SCGB2B2: variants seen among roughly 807,000 people sequenced by gnomAD.
SCGB2B2 encodes secretoglobin family 2B member 2, also known as secretoglobin-like protein.
SCGB2B2 carries 11 observed loss-of-function variants against 7.6 expected under a neutral mutation model. The ratio of observed to expected loss-of-function variants is 1.45; its 90% CI spans 0.91 to 2.40. The LOEUF is 2.40. Ranked by LOEUF, SCGB2B2 falls within the 30% of genes most tolerant of loss-of-function variation. The probability of loss-of-function intolerance (pLI) is 0.00; values close to 1 mark genes in which losing one functional copy is unlikely to be tolerated. For synonymous variants in SCGB2B2, 50 were observed against 48.6 expected (o/e 1.03, Z -0.12); for missense variants, 104 against 115.4 (o/e 0.90, Z 0.45).
At chr19:34,587,230 G>A (rs11880329), downstream of SCGB2B2, among the ~76,000 whole-genome samples, 16,290 of 151,996 alleles carry the variant, frequency 0.11, 1,071 homozygotes, top group East Asian at 0.28. Flanking sequence ...TTTGAGTCTC[G>A]CATCTTTTAA....
intron 1 of SCGB2B2, among the ~76,000 whole-genome samples, chr19:34,625,616 G>A (rs1281094508): frequency 6.6e-6 from 1 of 152,222 alleles, no homozygotes; most frequent in Non-Finnish European, 1.5e-5. Flanking sequence ...AAACAAAGCA[G>A]CCAGGAAGCT....
intron 1 of SCGB2B2, among the ~76,000 whole-genome samples, chr19:34,623,097 T>C (rs1350526931): frequency 1.3e-5 from 2 of 152,120 alleles, no homozygotes; most frequent in East Asian, 3.9e-4. Flanking sequence ...CCCAATTGGA[T>C]AAGGCTCTTC....
chr19:34,629,941 C>T (rs1454263452), intron 1 of SCGB2B2, among the ~76,000 whole-genome samples: 1 of 151,850 alleles, frequency 6.6e-6, no homozygotes, highest in Non-Finnish European at 1.5e-5. Context: ...CATAACAGAA[C>T]CCTCAGAAAT....
chr19:34,671,883 G>A (rs2067811889), intron 1 of SCGB2B2, among the ~76,000 whole-genome samples: 1 of 151,730 alleles, frequency 6.6e-6, no homozygotes, highest in Non-Finnish European at 1.5e-5. Flanking sequence ...TAATATTTAT[G>A]TTGTCTAACT....
downstream of SCGB2B2, among the ~76,000 whole-genome samples, chr19:34,586,726 TACC>T (rs1301725188): frequency 1.3e-5 from 2 of 152,240 alleles, no homozygotes; most frequent in African/African-American, 2.4e-5. Flanking sequence ...TCTCAAGCAC[TACC>T]ACCACAATAG....
chr19:34,606,604 T>C (rs954228567), intron 1 of SCGB2B2, among the ~76,000 whole-genome samples: 25 of 152,042 alleles, frequency 1.6e-4, no homozygotes, highest in African/African-American at 6.0e-4. Context: ...TTTTCAGTTT[T>C]GCTTTCTGCA....
intron 1 of SCGB2B2, among the ~76,000 whole-genome samples, chr19:34,597,232 C>T (rs1185959454): frequency 1.3e-5 from 2 of 152,130 alleles, no homozygotes; most frequent in Non-Finnish European, 2.9e-5. Flanking sequence ...TCCCACCCAC[C>T]ACACTGCAGG....
At chr19:34,601,607 T>G (rs2065625816) in intron 1 of SCGB2B2, among the ~76,000 whole-genome samples, 1 of 152,242 alleles carries the variant, frequency 6.6e-6, no homozygotes, top group Non-Finnish European at 1.5e-5. Context: ...AGATGTTATC[T>G]TCTCTTAAAG....
At chr19:34,628,930 T>C (rs1273786981) in intron 1 of SCGB2B2, among the ~76,000 whole-genome samples, 2 of 151,942 alleles carry the variant, frequency 1.3e-5, no homozygotes, top group African/African-American at 2.4e-5. Flanking sequence ...CACAATCAAG[T>C]TGGCTTCATC....
intron 1 of SCGB2B2, among the ~76,000 whole-genome samples, chr19:34,620,021 AT>A (rs1402618944): frequency 2.0e-5 from 3 of 152,210 alleles, no homozygotes; most frequent in Non-Finnish European, 4.4e-5. Flanking sequence ...TTAAAAAAAA[AT>A]AGAACACATT....
At chr19:34,593,678 C>T (rs529574145) in intron 3 of SCGB2B2, 79 bp from the exon 4 acceptor site, 59 of 1,237,054 alleles carry the variant, frequency 4.8e-5, no homozygotes, top group Admixed American at 8.1e-5. Flanking sequence ...GCCCGGTCCC[C>T]GAGCTCAGAG....
chr19:34,614,645 G>GTTCT (rs1447143218), intron 1 of SCGB2B2, among the ~76,000 whole-genome samples: 1 of 151,998 alleles, frequency 6.6e-6, no homozygotes, highest in African/African-American at 2.4e-5. Context: ...AAGTTATTAT[G>GTTCT]TTCTTTTGGT....
chr19:34,671,051 T>C (rs2146205035), intron 1 of SCGB2B2, among the ~76,000 whole-genome samples: 1 of 152,276 alleles, frequency 6.6e-6, no homozygotes, highest in South Asian at 2.1e-4. Context: ...GCCTCCCAAG[T>C]AGCTGGGATT....
chr19:34,599,959 C>A (rs1355465048), intron 1 of SCGB2B2, among the ~76,000 whole-genome samples: 1 of 152,186 alleles, frequency 6.6e-6, no homozygotes. Context: ...AATGCGCCCT[C>A]CAGTTCAAGA....
chr19:34,663,957 G>A (rs1008776888), intron 1 of SCGB2B2, among the ~76,000 whole-genome samples: 4 of 151,994 alleles, frequency 2.6e-5, no homozygotes, highest in African/African-American at 9.7e-5. Context: ...CTCCACAGCC[G>A]GGTTGTCCTC....
At chr19:34,630,201 G>A (rs1361144664) in intron 1 of SCGB2B2, among the ~76,000 whole-genome samples, 1 of 151,834 alleles carries the variant, frequency 6.6e-6, no homozygotes, top group African/African-American at 2.4e-5. Context: ...ACATAGGCAT[G>A]GGCAAGGACT....
chr19:34,606,283 A>G (rs1473096385), intron 1 of SCGB2B2, among the ~76,000 whole-genome samples: 1 of 152,092 alleles, frequency 6.6e-6, no homozygotes, highest in Admixed American at 6.5e-5. Flanking sequence ...TGACATATCC[A>G]TCATAGATTT....
intron 1 of SCGB2B2, among the ~76,000 whole-genome samples, chr19:34,613,578 G>T (rs2065992782): frequency 2.0e-5 from 3 of 151,992 alleles, no homozygotes; most frequent in Admixed American, 6.6e-5. Flanking sequence ...TTGTGATTTT[G>T]TTAACTGTTT....
At chr19:34,606,057 T>A (rs1051108370) in intron 1 of SCGB2B2, among the ~76,000 whole-genome samples, 5 of 152,024 alleles carry the variant, frequency 3.3e-5, no homozygotes, top group Non-Finnish European at 4.4e-5. Flanking sequence ...ATTTTTTTTT[T>A]ATTTTACGTA....
Sources: gnomAD v4.1 joint callset for allele counts (sites outside exome capture counted in the v4.1 genomes callset) on GRCh38, gnomAD v4.1.1 for gene constraint, MANE v1.5 for transcripts, NCBI Gene and HGNC (gene_info 2026-07-23, HGNC 2026-07-21) for gene names.